PIGK: variants seen among roughly 807,000 people sequenced by gnomAD.
PIGK encodes phosphatidylinositol glycan anchor biosynthesis class K.
Under a neutral mutation model 50.6 loss-of-function variants are expected in PIGK, and 42 were observed. The observed-to-expected ratio is 0.83, with a 90% CI of 0.65 to 1.07. PIGK has a LOEUF of 1.07. PIGK is among the 50% of genes least tolerant of loss of function. PIGK has a pLI of 0.00. For missense variants in PIGK, 448 were observed against 488.7 expected (o/e 0.92, Z 0.78); for synonymous variants, 151 against 156.0 (o/e 0.97, Z 0.24).
At chr1:77,143,471 C>T (rs1654702690) in intron 9 of PIGK, among the ~76,000 whole-genome samples, 1 of 151,930 alleles carries the variant, frequency 6.6e-6, no homozygotes, top group Admixed American at 6.6e-5. Flanking sequence ...GCAAAGACCG[C>T]AGGTCTGTAT....
At chr1:77,103,143 A>G (rs1653586588) in intron 10 of PIGK, among the ~76,000 whole-genome samples, 1 of 152,214 alleles carries the variant, frequency 6.6e-6, no homozygotes, top group African/African-American at 2.4e-5. Context: ...TCACATTATG[A>G]GGCATACAAT....
intron 9 of PIGK, chr1:77,129,355 G>C (rs777424890): frequency 6.3e-7 from 1 of 1,578,942 alleles, no homozygotes; most frequent in Non-Finnish European, 8.7e-7. Flanking sequence ...TGGACACAAG[G>C]TCGGTGGCCC....
chr1:77,217,564 TCC>T (rs1656597751), intron 1 of PIGK, among the ~76,000 whole-genome samples: 6 of 152,008 alleles, frequency 3.9e-5, no homozygotes, highest in Non-Finnish European at 7.4e-5. Context: ...AACATCAAGG[TCC>T]CTGGGTGACA....
chr1:77,203,751 A>C (rs1656223899), intron 3 of PIGK, among the ~76,000 whole-genome samples: 1 of 152,142 alleles, frequency 6.6e-6, no homozygotes, highest in Non-Finnish European at 1.5e-5. Flanking sequence ...ACCCAAATTA[A>C]TACTTTTATA....
intron 9 of PIGK, among the ~76,000 whole-genome samples, chr1:77,144,504 A>G (rs1247447745): frequency 1.3e-5 from 2 of 151,930 alleles, no homozygotes; most frequent in African/African-American, 4.8e-5. Flanking sequence ...AAGAATATTA[A>G]TAAACATTAG....
intron 3 of PIGK, among the ~76,000 whole-genome samples, chr1:77,180,426 A>T (rs1284178380): frequency 6.6e-6 from 1 of 152,206 alleles, no homozygotes; most frequent in Non-Finnish European, 1.5e-5. Flanking sequence ...CTACTTATTT[A>T]TAAGTCATAC....
chr1:77,115,815 G>A (rs746028683), intron 10 of PIGK, among the ~76,000 whole-genome samples: 12 of 152,148 alleles, frequency 7.9e-5, no homozygotes, highest in Non-Finnish European at 1.6e-4. Context: ...CTTAAAAAAA[G>A]AGAATAGTAA....
intron 3 of PIGK, among the ~76,000 whole-genome samples, chr1:77,191,317 T>C (rs1655898484): frequency 6.6e-6 from 1 of 152,222 alleles, no homozygotes; most frequent in Non-Finnish European, 1.5e-5. Flanking sequence ...AACTACTATG[T>C]GCAATCTTTC....
intron 3 of PIGK, among the ~76,000 whole-genome samples, chr1:77,193,390 T>G (rs1025128076): frequency 6.6e-6 from 1 of 152,152 alleles, no homozygotes; most frequent in African/African-American, 2.4e-5. Flanking sequence ...CATGCCACAC[T>G]GGAGTTTGTG....
chr1:77,126,186 T>C (rs1005585848), intron 9 of PIGK, among the ~76,000 whole-genome samples: 1 of 152,158 alleles, frequency 6.6e-6, no homozygotes, highest in Non-Finnish European at 1.5e-5. Context: ...TGTTTTGTAA[T>C]TTTTCTTTGA....
chr1:77,110,023 G>A (rs1000150509), intron 10 of PIGK, among the ~76,000 whole-genome samples: 16 of 152,162 alleles, frequency 1.1e-4, no homozygotes, highest in African/African-American at 3.9e-4. Flanking sequence ...GCTTCAAAGA[G>A]AATAAAATAC....
At chr1:77,121,894 T>C (rs1036333051) in intron 10 of PIGK, among the ~76,000 whole-genome samples, 1 of 152,228 alleles carries the variant, frequency 6.6e-6, no homozygotes, top group Non-Finnish European at 1.5e-5. Flanking sequence ...AAGATTGTTT[T>C]CTCTTTTTAG....
chr1:77,102,895 T>A (rs1272343795), intron 10 of PIGK, among the ~76,000 whole-genome samples: 1 of 152,148 alleles, frequency 6.6e-6, no homozygotes, highest in African/African-American at 2.4e-5. Context: ...AAAATAAGGG[T>A]CAGATGGCAA....
chr1:77,112,407 T>C (rs1337470161), intron 10 of PIGK, among the ~76,000 whole-genome samples: 1 of 152,008 alleles, frequency 6.6e-6, no homozygotes, highest in African/African-American at 2.4e-5. Flanking sequence ...ATCCAGTCAG[T>C]TTCTGTATTT....
chr1:77,215,188 C>G (rs1467168176), intron 1 of PIGK, among the ~76,000 whole-genome samples: 1 of 151,982 alleles, frequency 6.6e-6, no homozygotes, highest in Non-Finnish European at 1.5e-5. Flanking sequence ...AAGGGATTAA[C>G]ATCCAAAATA....
At chr1:77,116,337 C>T (rs1327392268) in intron 10 of PIGK, among the ~76,000 whole-genome samples, 1 of 152,066 alleles carries the variant, frequency 6.6e-6, no homozygotes, top group Non-Finnish European at 1.5e-5. Flanking sequence ...GCGCCCACCA[C>T]CACGCCCGGC....
At chr1:77,107,327 T>C (rs1653709118) in intron 10 of PIGK, among the ~76,000 whole-genome samples, 1 of 152,266 alleles carries the variant, frequency 6.6e-6, no homozygotes, top group Non-Finnish European at 1.5e-5. Context: ...TCTTTATTTC[T>C]GCCTTCATTT....
At chr1:77,133,895 T>TGGC (rs2100537537) in intron 9 of PIGK, among the ~76,000 whole-genome samples, 2 of 149,034 alleles carry the variant, frequency 1.3e-5, no homozygotes, top group African/African-American at 5.2e-5. Context: ...GCTTAAGAAT[T>TGGC]TGGCATGCCA....
At chr1:77,176,104 A>G (rs1655482706) in intron 3 of PIGK, among the ~76,000 whole-genome samples, 2 of 152,186 alleles carry the variant, frequency 1.3e-5, no homozygotes, top group Admixed American at 6.5e-5. Context: ...TCTATCAATG[A>G]GTAAAAGGTT....
Sources: gnomAD v4.1 joint callset for allele counts (sites outside exome capture counted in the v4.1 genomes callset) on GRCh38, gnomAD v4.1.1 for gene constraint, MANE v1.5 for transcripts, NCBI Gene and HGNC (gene_info 2026-07-23, HGNC 2026-07-21) for gene names.